Variants in TTC12 observed in about 807,000 individuals in gnomAD.
The protein encoded by TTC12 is tetratricopeptide repeat protein 12.
TTC12 carries 70 observed loss-of-function variants against 90.1 expected under a neutral mutation model. That is an observed-to-expected ratio of 0.78 (90% CI 0.64 to 0.95). TTC12 has a LOEUF of 0.95. Among genes scored for constraint, TTC12 ranks in the 40% least tolerant of loss-of-function variants. The pLI is 0.00. For synonymous variants in TTC12, 296 were observed against 311.5 expected (o/e 0.95, Z 0.53); for missense variants, 819 against 846.1 (o/e 0.97, Z 0.40).
chr11:113,334,839 T>C lies in TTC12; in HGVS notation c.505-127T>C. 5 of 671,570 alleles carry C rather than the reference T, an allele frequency of 7.4e-6. No individual in the cohort carries two copies. In the South Asian group the frequency reaches 9.3e-5, roughly 12 times the overall value. The allele number at this position is 671,570 out of a possible 1,614,324, so 41.6% of individuals were successfully genotyped here. A position where few individuals can be genotyped will look rare whatever the true frequency, so the allele number is the denominator to read the frequency against. Reference sequence around the variant, plus strand: ...TTGGTCACAAATGCATAAAAAAGTTTTGTCAACTCTGGTAGTTGCCCTGAG... The same window carrying C: ...TTGGTCACAAATGCATAAAAAAGTTCTGTCAACTCTGGTAGTTGCCCTGAG... On this transcript the variant is annotated intron_variant, in intron 7 of 21. Transcript: ENST00000529221.
chr11:113,327,358 C>G (rs782661864), intron 6 of TTC12, among the ~76,000 whole-genome samples: 1 of 152,134 alleles, frequency 6.6e-6, no homozygotes, highest in Non-Finnish European at 1.5e-5. Context: ...ACCGTTTGAA[C>G]CATTGACTAT....
At chr11:113,324,216 C>G (rs192086921) in intron 4 of TTC12, 43 of 556,884 alleles carry the variant, frequency 7.7e-5, no homozygotes, top group Middle Eastern at 4.0e-4. Context: ...CTTGGTCAAC[C>G]TTTTGTAAAC....
intron 12 of TTC12, 46 bp downstream of exon 12, chr11:113,341,971 C>G (rs1948712162): frequency 6.6e-7 from 1 of 1,515,448 alleles, no homozygotes. Flanking sequence ...GCGCTGCGTG[C>G]AGGAACTACG....
At chr11:113,351,824 A>C (rs1442713991) in intron 15 of TTC12, among the ~76,000 whole-genome samples, 1 of 152,156 alleles carries the variant, frequency 6.6e-6, no homozygotes, top group Non-Finnish European at 1.5e-5. Context: ...AAGGGAAGGG[A>C]TTTGCCCAGG....
intron 3 of TTC12, 79 bp downstream of exon 3, chr11:113,323,530 TGTCCA>T (rs1947482983): frequency 1.0e-6 from 1 of 960,348 alleles, no homozygotes; most frequent in African/African-American, 1.7e-5. Context: ...AATCTCAAAC[TGTCCA>T]GCAAGGCTGA....
At chr11:113,338,650 T>C in intron 8 of TTC12, 124 bp from the exon 9 acceptor site, 2 of 678,990 alleles carry the variant, frequency 2.9e-6, no homozygotes, top group African/African-American at 1.8e-5. Flanking sequence ...GCCTGTCTCC[T>C]GCACTGGGAG....
At chr11:113,325,034 AAAAT>A (rs1257224421) in intron 5 of TTC12, among the ~76,000 whole-genome samples, 5 of 152,184 alleles carry the variant, frequency 3.3e-5, no homozygotes, top group African/African-American at 7.2e-5. Flanking sequence ...GTGGAAAAGA[AAAAT>A]AAAACAGCTG....
rs1168926955 is a variant in TTC12, at chr11:113,363,876, T to G, written c.1765T>G (p.Cys589Gly). ...TTATGCTATAAAGATACTAGCTATC[T>G]GCACGAATAGTTATCATGAAGCTCG... is the stretch of plus-strand genomic sequence containing the variant. ...SRYAIKILAICTNSYHEAREE... is the reference protein window; with the variant it reads ...SRYAIKILAIGTNSYHEAREE... Residue 589 changes from cysteine (C) to glycine (G), a missense_variant, in exon 20 of 22, where the codon TGC becomes GGC. Coordinates refer to ENST00000529221, the MANE Select transcript of TTC12 (RefSeq NM_017868.4). 1.2e-6 allele frequency: 2 copies of G among 1,614,004 alleles called. No homozygotes were observed. Among genetic ancestry groups the G allele is most frequent in the East Asian group, 2.2e-5 (1 of 44,884 alleles).
chr11:113,344,539 G>C, intron 13 of TTC12, 99 bp downstream of exon 13: 7 of 1,259,436 alleles, frequency 5.6e-6, no homozygotes, highest in Non-Finnish European at 6.7e-6. Flanking sequence ...TGTGTGACTT[G>C]AAGGATCAAT....
rs1947641260 is a variant in TTC12 at position 113,325,639 on chromosome 11, A to C, written c.438A>C (p.Arg146=). 1 of 1,613,782 alleles carries C rather than the reference A, an allele frequency of 6.2e-7. No individual in the cohort carries two copies. The highest frequency in any genetic ancestry group is 1.1e-5 in the South Asian group (1 of 91,070). The part of the protein sequence containing the change: ...LKDMKVLYTN[R]AQAYMKLEDY... ...ACATGAAAGTGCTGTACACCAACCGAGCCCAGGTCAGTGAGGCAGGGATGT... is the reference window on the plus strand; with the variant it reads ...ACATGAAAGTGCTGTACACCAACCGCGCCCAGGTCAGTGAGGCAGGGATGT... The change falls in exon 6 of 22, where the codon CGA becomes CGC. Residue 146 remains arginine (R), a synonymous_variant. Transcript: ENST00000529221.
At position 113,351,638 on chromosome 11, in the gene TTC12, G is replaced by A. The variant is rs184850988; in HGVS notation, c.1308+339G>A. Among the ~76,000 whole-genome samples, 94 of 152,346 alleles carry A rather than the reference G, an allele frequency of 6.2e-4. No individual in the cohort carries two copies. The East Asian group carries it at 0.016, about 27-fold the overall frequency. On this transcript the variant is annotated intron_variant, in intron 15 of 21. Transcript: ENST00000529221. ...CAGATGGAAGTCATCCTGTCAGGAA[G>A]ACCAGTGTAGCAATTTGAGCTGATA...
chr11:113,333,315 C>T (rs77708705), intron 7 of TTC12, among the ~76,000 whole-genome samples: 2,144 of 152,284 alleles, frequency 0.014, 45 homozygotes, highest in African/African-American at 0.047. Flanking sequence ...ACTCTCCCTC[C>T]ATCCTCCTCT....
chr11:113,346,895 A>T (rs376129529), intron 13 of TTC12, among the ~76,000 whole-genome samples: 1 of 152,204 alleles, frequency 6.6e-6, no homozygotes. Context: ...TATTAGTTAC[A>T]TGAAAGCATT....
At chr11:113,316,111 G>A (rs979889985) in intron 1 of TTC12, 132 bp from the exon 2 acceptor site, 10 of 420,310 alleles carry the variant, frequency 2.4e-5, no homozygotes, top group East Asian at 1.8e-4. Context: ...TCACCCTGCT[G>A]TTATTCATTG....
intron 3 of TTC12, 86 bp from the exon 4 acceptor site, chr11:113,323,908 G>A: frequency 9.6e-7 from 1 of 1,044,534 alleles, no homozygotes; most frequent in Non-Finnish European, 1.4e-6. Flanking sequence ...GTTTGTAATT[G>A]ATTTGCCTTC....
At chr11:113,361,437 T>C (rs1555154952) in intron 18 of TTC12, among the ~76,000 whole-genome samples, 3 of 152,190 alleles carry the variant, frequency 2.0e-5, no homozygotes, top group Non-Finnish European at 1.5e-5. Flanking sequence ...AACCTTTGTA[T>C]GGAGTACAAA....
chr11:113,316,182 C>A, intron 1 of TTC12, 61 bp from the exon 2 acceptor site: 2 of 794,296 alleles, frequency 2.5e-6, no homozygotes, highest in African/African-American at 1.8e-5. Flanking sequence ...GGCTAATAAG[C>A]CTGACCGTTC....
intron 5 of TTC12, among the ~76,000 whole-genome samples, 167 bp from the exon 6 acceptor site, chr11:113,325,357 G>C (rs1052984790): frequency 6.6e-6 from 1 of 152,112 alleles, no homozygotes; most frequent in African/African-American, 2.4e-5. Context: ...AAAAATACTT[G>C]AAGAAGCTGG....
At position 113,362,467 on chromosome 11, in the gene TTC12, G is replaced by A. The variant is rs138468450; in HGVS notation, c.1681G>A (p.Ala561Thr). Residue 561 changes from alanine to threonine, a missense_variant, in exon 19 of 22, where the codon GCA becomes ACA. Coordinates refer to ENST00000529221, the MANE Select transcript of TTC12 (RefSeq NM_017868.4). ...SLKIVEEALR[A>T]GVVKKMMKFL... ...GAAAATTGTTGAGGAGGCCTTGCGAGCAGGAGTGGTAAAGAAAATGATGAA... is the reference window on the plus strand; with the variant it reads ...GAAAATTGTTGAGGAGGCCTTGCGAACAGGAGTGGTAAAGAAAATGATGAA... 1.9e-4 allele frequency: 303 copies of A among 1,613,862 alleles called. No individual in the cohort carries two copies. Among genetic ancestry groups the A allele is most frequent in the Admixed American group, 5.3e-4 (32 of 60,020 alleles).
Sources: allele counts gnomAD v4.1 joint callset (sites outside exome capture counted in the v4.1 genomes callset), GRCh38; gene constraint gnomAD v4.1.1; transcripts MANE v1.5; gene names NCBI Gene and HGNC (gene_info 2026-07-23, HGNC 2026-07-21).